GPC5: variants seen among roughly 807,000 people sequenced by gnomAD.
The protein encoded by GPC5 is glypican 5.
A neutral mutation model predicts 53.9 loss-of-function variants in GPC5; 47 were observed. The observed-to-expected ratio is 0.87, with a 90% CI of 0.69 to 1.11. The LOEUF (loss-of-function observed/expected upper bound fraction) is 1.11, where lower values mean the gene tolerates loss of function less well. Among genes scored for constraint, GPC5 ranks in the 50% most tolerant of loss-of-function variants. The probability of loss-of-function intolerance (pLI) is 0.00; values close to 1 mark genes in which losing one functional copy is unlikely to be tolerated. For missense variants in GPC5, 748 were observed against 713.1 expected, an observed-to-expected ratio of 1.05 and a Z score of -0.56; for synonymous variants, 286 against 263.3, an observed-to-expected ratio of 1.09 and a Z score of -0.84.
chr13:92,103,801 C>T (rs528888606), intron 6 of GPC5, among the ~76,000 whole-genome samples: 27 of 152,244 alleles, frequency 1.8e-4, no homozygotes, highest in African/African-American at 6.3e-4. Context: ...CTTTGAGCCT[C>T]GAGGTCAGCC....
chr13:92,628,665 C>G (rs1384172473), intron 7 of GPC5, among the ~76,000 whole-genome samples: 1 of 152,118 alleles, frequency 6.6e-6, no homozygotes, highest in Non-Finnish European at 1.5e-5. Context: ...TTTCATCCCC[C>G]TTCATCTCTG....
At chr13:91,814,360 C>T (rs908875814) in intron 5 of GPC5, among the ~76,000 whole-genome samples, 2 of 152,106 alleles carry the variant, frequency 1.3e-5, no homozygotes, top group Non-Finnish European at 2.9e-5. Context: ...CCATATCTAG[C>T]TAGCTAGCTC....
intron 7 of GPC5, among the ~76,000 whole-genome samples, chr13:92,821,635 C>A (rs892012840): frequency 2.0e-5 from 3 of 152,104 alleles, no homozygotes; most frequent in African/African-American, 7.2e-5. Context: ...TCCTCATAAA[C>A]CAGTATTTTT....
intron 7 of GPC5, among the ~76,000 whole-genome samples, chr13:92,650,556 C>A (rs991811435): frequency 6.6e-6 from 1 of 152,042 alleles, no homozygotes; most frequent in Non-Finnish European, 1.5e-5. Context: ...ATGATGGAAA[C>A]ACAGTGCATA....
chr13:91,548,289 T>C (rs1429682598), intron 2 of GPC5, among the ~76,000 whole-genome samples: 1 of 152,144 alleles, frequency 6.6e-6, no homozygotes, highest in African/African-American at 2.4e-5. Context: ...AAGGTTAACA[T>C]ACAAAACTTA....
At chr13:92,101,729 A>T (rs1353527664) in intron 6 of GPC5, among the ~76,000 whole-genome samples, 1 of 152,218 alleles carries the variant, frequency 6.6e-6, no homozygotes, top group Non-Finnish European at 1.5e-5. Context: ...TAGGGGATAA[A>T]GTGACCTGTT....
chr13:91,398,783 G>T lies in GPC5; in HGVS notation c.-264G>T. ...CGGCTCCACTAGTTTTCTTCGCCCC[G>T]CCCAGCCGCCCACTCTTCTCGGCTA... On this transcript the variant is annotated 5_prime_UTR_variant, in exon 1 of 8. Transcript: ENST00000377067. The T allele has an allele frequency of 2.4e-6, 1 of 408,704 alleles. No homozygotes were observed. The highest frequency in any genetic ancestry group is 6.1e-5 in the South Asian group (1 of 16,328). The allele number at this position is 408,704 out of a possible 1,614,324, so 25.3% of individuals were successfully genotyped here.
chr13:92,023,393 T>C (rs1320843866), intron 6 of GPC5, among the ~76,000 whole-genome samples: 1 of 152,106 alleles, frequency 6.6e-6, no homozygotes, highest in Non-Finnish European at 1.5e-5. Context: ...AAATTAATGC[T>C]ATATATACAA....
At chr13:92,373,163 G>C (rs951761093) in intron 7 of GPC5, among the ~76,000 whole-genome samples, 2 of 152,118 alleles carry the variant, frequency 1.3e-5, no homozygotes, top group Non-Finnish European at 2.9e-5. Context: ...GCTTCACAAA[G>C]CACAGGTGTC....
chr13:92,784,463 TACTC>T (rs1350884788), intron 7 of GPC5, among the ~76,000 whole-genome samples: 1 of 152,134 alleles, frequency 6.6e-6, no homozygotes, highest in African/African-American at 2.4e-5. Context: ...AGATGTACTT[TACTC>T]ACAGTCTCCC....
intron 7 of GPC5, among the ~76,000 whole-genome samples, chr13:92,343,026 A>C (rs1332440066): frequency 6.6e-6 from 1 of 152,180 alleles, no homozygotes; most frequent in East Asian, 1.9e-4. Context: ...ATTTCCGTTA[A>C]AATAATTTAA....
chr13:91,818,559 A>G (rs968405897), intron 5 of GPC5, among the ~76,000 whole-genome samples: 1 of 152,210 alleles, frequency 6.6e-6, no homozygotes, highest in African/African-American at 2.4e-5. Context: ...GGAGAAAAAT[A>G]TGATATAGAA....
chr13:92,260,318 C>G (rs1237527577), intron 7 of GPC5, among the ~76,000 whole-genome samples: 1 of 152,212 alleles, frequency 6.6e-6, no homozygotes, highest in East Asian at 1.9e-4. Flanking sequence ...TTCTTGGAAA[C>G]TGTAATGCGG....
intron 7 of GPC5, among the ~76,000 whole-genome samples, chr13:92,499,102 G>GA (rs1401828784): frequency 3.3e-5 from 5 of 152,016 alleles, no homozygotes; most frequent in Admixed American, 2.6e-4. Flanking sequence ...CCTTAACATA[G>GA]AAAAAATAGT....
chr13:92,393,536 C>A (rs747483494), intron 7 of GPC5, among the ~76,000 whole-genome samples: 13 of 152,162 alleles, frequency 8.5e-5, no homozygotes, highest in Non-Finnish European at 1.6e-4. Flanking sequence ...GTAATCCCAG[C>A]TACTCAGGAG....
At chr13:92,250,595 A>G (rs1382830943) in intron 7 of GPC5, among the ~76,000 whole-genome samples, 5 of 152,120 alleles carry the variant, frequency 3.3e-5, no homozygotes, top group Non-Finnish European at 7.4e-5. Context: ...GCTCATCAGG[A>G]ATAGCTTGCT....
At chr13:91,572,377 A>T (rs1337979868) in intron 2 of GPC5, among the ~76,000 whole-genome samples, 6 of 151,780 alleles carry the variant, frequency 4.0e-5, no homozygotes, top group Non-Finnish European at 8.8e-5. Flanking sequence ...GTTACAAGGG[A>T]ATATCTGAGA....
At chr13:91,704,508 G>T (rs920842378) in intron 3 of GPC5, among the ~76,000 whole-genome samples, 2 of 152,166 alleles carry the variant, frequency 1.3e-5, no homozygotes, top group African/African-American at 4.8e-5. Flanking sequence ...CAGCATCATG[G>T]CAGTCATTGG....
chr13:91,432,957 G>T (rs536254431), intron 1 of GPC5, among the ~76,000 whole-genome samples: 1 of 152,234 alleles, frequency 6.6e-6, no homozygotes, highest in East Asian at 1.9e-4. Context: ...TGCCCTTAGG[G>T]AGAAAGGAAA....
Sources: allele counts gnomAD v4.1 joint callset (sites outside exome capture counted in the v4.1 genomes callset), GRCh38; gene constraint gnomAD v4.1.1; transcripts MANE v1.5; gene names NCBI Gene and HGNC (gene_info 2026-07-23, HGNC 2026-07-21).